The following DCAF12 variants were observed in gnomAD, a reference collection of about 807,000 sequenced individuals.
The protein encoded by DCAF12 is DDB1- and CUL4-associated factor 12.
A neutral mutation model predicts 52.8 loss-of-function variants in DCAF12; 28 were observed. That is an observed-to-expected ratio of 0.53 (90% CI 0.39 to 0.73). DCAF12 has a LOEUF of 0.73. Ranked by LOEUF, DCAF12 falls within the 30% of genes least tolerant of loss-of-function variation. DCAF12 has a pLI of 0.00. For synonymous variants in DCAF12, 196 were observed against 215.5 expected (o/e 0.91, Z 0.79); for missense variants, 425 against 552.2 (o/e 0.77, Z 2.31).
intron 2 of DCAF12, among the ~76,000 whole-genome samples, chr9:34,119,148 T>G (rs1447008038): frequency 1.3e-5 from 2 of 152,156 alleles, no homozygotes; most frequent in East Asian, 3.8e-4. Flanking sequence ...GAGGAGCAAC[T>G]CCTTTTGTTG....
At chr9:34,111,755 T>C (rs1829006606) in intron 2 of DCAF12, among the ~76,000 whole-genome samples, 1 of 152,174 alleles carries the variant, frequency 6.6e-6, no homozygotes, top group Non-Finnish European at 1.5e-5. Context: ...CTTTAGGGAA[T>C]ATGTAACTGG....
intron 4 of DCAF12, 47 bp from the exon 5 acceptor site, chr9:34,098,564 T>A: frequency 6.4e-7 from 1 of 1,569,040 alleles, no homozygotes; most frequent in Non-Finnish European, 8.7e-7. Context: ...CACCCCTCTA[T>A]GGGAAATCCC....
In DCAF12 at chr9:34,126,495, G is replaced by T; in HGVS notation, c.-64C>A. ...CGGGGGAAGCGAAGGATAGCAGGACGGCGGGTCATATACTGGGCCCCGGGG... is the reference window on the plus strand; with the variant it reads ...CGGGGGAAGCGAAGGATAGCAGGACTGCGGGTCATATACTGGGCCCCGGGG... On this transcript the variant is annotated 5_prime_UTR_variant, in exon 1 of 9. Coordinates refer to ENST00000361264, the MANE Select transcript of DCAF12 (RefSeq NM_015397.4). 6.4e-7 allele frequency: 1 copy of T among 1,558,776 alleles called. No homozygotes were observed. The highest frequency in any genetic ancestry group is 8.6e-7 in the Non-Finnish European group (1 of 1,157,700).
Position 34,101,180 on chromosome 9 carries a change from T to G in DCAF12, c.602-2663A>C, listed in dbSNP as rs1045738769. On this transcript the variant is annotated intron_variant, in intron 4 of 8. Coordinates refer to ENST00000361264, the MANE Select transcript of DCAF12 (RefSeq NM_015397.4). Reference sequence around the variant, plus strand: ...TCAACCTCCTGGGCTTCAGCAATTCTCCTGCCCCAGCCTCCCAAGTAGCTG... The same window carrying G: ...TCAACCTCCTGGGCTTCAGCAATTCGCCTGCCCCAGCCTCCCAAGTAGCTG... Among the ~76,000 whole-genome samples the G allele has an allele frequency of 2.7e-5, 4 of 150,848 alleles. No individual in the cohort carries two copies. The Admixed American group carries it at 2.7e-4, about 10-fold the overall frequency.
chr9:34,089,679 C>T (rs1251731528), intron 7 of DCAF12, 89 bp from the exon 8 acceptor site: 1 of 1,317,836 alleles, frequency 7.6e-7, no homozygotes, highest in African/African-American at 1.5e-5. Context: ...ACTGAGTTTT[C>T]AACGTCCACC....
At chr9:34,103,405 CAA>C (rs528124195) in intron 4 of DCAF12, among the ~76,000 whole-genome samples, 2 of 137,658 alleles carry the variant, frequency 1.5e-5, no homozygotes, top group Non-Finnish European at 1.6e-5. Context: ...GACTCCATCT[CAA>C]AAAAAAAAAA....
intron 2 of DCAF12, among the ~76,000 whole-genome samples, chr9:34,114,841 C>A (rs960111734): frequency 1.3e-5 from 2 of 152,070 alleles, no homozygotes; most frequent in African/African-American, 4.8e-5. Context: ...GTAGCAGGAA[C>A]CTATCGTCCC....
At chr9:34,116,615 T>C (rs920129516) in intron 2 of DCAF12, among the ~76,000 whole-genome samples, 1 of 151,756 alleles carries the variant, frequency 6.6e-6, no homozygotes, top group Non-Finnish European at 1.5e-5. Context: ...GCGGAGGTTG[T>C]AGTGAGCCAA....
chr9:34,111,936 A>G (rs932271397), intron 2 of DCAF12, among the ~76,000 whole-genome samples: 2 of 151,640 alleles, frequency 1.3e-5, no homozygotes, highest in African/African-American at 2.4e-5. Flanking sequence ...GGAGTTCAAG[A>G]CTAGCCTGGC....
chr9:34,116,283 GGAGGGGCAGGCT>G (rs1829087030), intron 2 of DCAF12, among the ~76,000 whole-genome samples: 2 of 152,004 alleles, frequency 1.3e-5, no homozygotes, highest in African/African-American at 4.8e-5. Flanking sequence ...CTTGAACCCA[GGAGGGGCAGGCT>G]GCAGAGATCG....
At chr9:34,094,894 C>T (rs1041476952) in intron 6 of DCAF12, among the ~76,000 whole-genome samples, 2 of 152,084 alleles carry the variant, frequency 1.3e-5, no homozygotes, top group Non-Finnish European at 2.9e-5. Context: ...AGTCTAACCA[C>T]AAAATTCATT....
chr9:34,121,421 C>T (rs1829172268), intron 2 of DCAF12, among the ~76,000 whole-genome samples: 2 of 152,186 alleles, frequency 1.3e-5, no homozygotes, highest in African/African-American at 4.8e-5. Flanking sequence ...AGCACTCTTA[C>T]CGAGAGGTCC....
In DCAF12 at chr9:34,097,939, GA is replaced by G. The variant is rs74326483; in HGVS notation, c.795+384del. 3.6e-3 allele frequency among the ~76,000 whole-genome samples: 356 copies of G among 98,062 alleles called. 1 individual carries two copies. Among genetic ancestry groups the G allele is most frequent in the African/African-American group, 9.8e-3 (246 of 25,180 alleles). 64.3% of individuals were successfully genotyped at this position (98,062 alleles called of 152,430 possible). Reference sequence around the variant, plus strand: ...CAGGAGCAAAACACAGTCTCAAAAAGAAAAAAAAAAAAAAAGGAATGAATAC... The same window carrying G: ...CAGGAGCAAAACACAGTCTCAAAAAGAAAAAAAAAAAAAAGGAATGAATAC... On this transcript the variant is annotated intron_variant, in intron 5 of 8. Coordinates refer to ENST00000361264, the MANE Select transcript of DCAF12 (RefSeq NM_015397.4).
chr9:34,110,923 A>G (rs924963087), intron 2 of DCAF12, among the ~76,000 whole-genome samples: 2 of 152,020 alleles, frequency 1.3e-5, no homozygotes, highest in South Asian at 2.1e-4. Context: ...AATGAAATAT[A>G]ATTATTTTGT....
rs1289989096 is a variant in DCAF12 at position 34,096,718 on chromosome 9, T to C, written c.859A>G (p.Lys287Glu). The C allele has an allele frequency of 5.6e-6, 9 of 1,613,802 alleles. No individual in the cohort carries two copies. The East Asian group carries it at 1.3e-4, about 24-fold the overall frequency. Reference sequence around the variant, plus strand: ...CCACAAAATCATGTTCATCACACCTTAGATAGTGTATTTTCAGCCTTCCAG... The same window carrying C: ...CCACAAAATCATGTTCATCACACCTCAGATAGTGTATTTTCAGCCTTCCAG... ...HLWKAENTLSKLLSTKLPYCR... is the reference protein window; with the variant it reads ...HLWKAENTLSELLSTKLPYCR... The change falls in exon 6 of 9, where the codon AAG (lysine) becomes GAG (glutamate). Residue 287 changes from lysine to glutamate, a missense_variant and splice_region_variant. By Grantham distance (56) the Lys-to-Glu change is moderately conservative. This residue lies in a region of DCAF12 where 328 missense variants were observed against 444.4 expected (regional missense o/e 0.74). Transcript: ENST00000361264.
In DCAF12 at chr9:34,088,470, A is replaced by G. The variant is rs755813514; in HGVS notation, c.1242T>C (p.Ile414=). 6.2e-7 allele frequency: 1 copy of G among 1,614,238 alleles called. No homozygotes were observed. The highest frequency in any genetic ancestry group is 8.5e-7 in the Non-Finnish European group (1 of 1,180,044). ...DETWRNYFSD[I]DFFPNAVYTH... ...TGTAAACAGCATTGGGGAAGAAGTC[A>G]ATGTCTGAAAAGTAATTCCTCCAGG... Residue 414 remains isoleucine (I), a synonymous_variant, in exon 9 of 9, where the codon ATT becomes ATC. Transcript: ENST00000361264.
At chr9:34,093,486 G>C in intron 6 of DCAF12, 38 bp from the exon 7 acceptor site, 1 of 1,608,454 alleles carries the variant, frequency 6.2e-7, no homozygotes, top group Non-Finnish European at 8.5e-7. Context: ...GGCATCAGCA[G>C]AGAGGGTAAG....
rs751062810 is a variant in DCAF12, at chr9:34,093,337, G to A, written c.973C>T (p.Arg325Trp). 6.2e-6 allele frequency: 10 copies of A among 1,614,100 alleles called. No individual in the cohort carries two copies. Among genetic ancestry groups the A allele is most frequent in the South Asian group, 1.1e-5 (1 of 91,094 alleles). ...GACTTGACGTTGTATGATGGCTGCC[G>A]TGGATCCAAGAAGGAGACATGAGCT... is the stretch of plus-strand genomic sequence containing the variant. ...SQAHVSFLDP[R>W]QPSYNVKSVC... is the part of the protein sequence containing the mutation. Residue 325 changes from arginine (R) to tryptophan (W), a missense_variant, in exon 7 of 9, where the codon CGG becomes TGG. Around this residue, in one of 3 missense-constraint regions of DCAF12, gnomAD observed 328 missense variants for 444.4 expected, o/e 0.74. Transcript: ENST00000361264.
rs1828771708 is a variant in DCAF12, at chr9:34,098,338, T to C, written c.781A>G (p.Asn261Asp). 4 of 1,614,030 alleles carry C rather than the reference T, an allele frequency of 2.5e-6. No homozygotes were observed. In the East Asian group the frequency reaches 8.9e-5, roughly 36 times the overall value. ...DNCKVRALAF[N>D]NKNKELGAVS... The stretch of plus-strand genomic sequence containing the variant: ...CAAGTTCATACCTTGTTCTTGTTGT[T>C]GAAGGCCAGAGCCCGAACCTTGCAG... Residue 261 changes from asparagine (N) to aspartate (D), a missense_variant, in exon 5 of 9, where the codon AAC becomes GAC. Physicochemically the swap from Asn to Asp is conservative, Grantham distance 23 (BLOSUM62 1). Coordinates refer to ENST00000361264, the MANE Select transcript of DCAF12 (RefSeq NM_015397.4).
Sources: gnomAD v4.1 joint callset for allele counts (sites outside exome capture counted in the v4.1 genomes callset) on GRCh38, gnomAD v4.1.1 for gene constraint, gnomAD v4.1.1 regional missense constraint, MANE v1.5 for transcripts, NCBI Gene and HGNC (gene_info 2026-07-23, HGNC 2026-07-21) for gene names.